SMAD3: variants seen among roughly 807,000 people sequenced by gnomAD.
The protein encoded by SMAD3 is MAD homolog 3.
A neutral mutation model predicts 51.8 loss-of-function variants in SMAD3; 12 were observed. The ratio of observed to expected loss-of-function variants is 0.23; its 90% CI spans 0.15 to 0.38. SMAD3 has a LOEUF of 0.38. Ranked by LOEUF, SMAD3 falls within the 10% of genes least tolerant of loss-of-function variation. SMAD3 has a pLI of 1.00. For synonymous variants in SMAD3, 238 were observed against 227.7 expected, an observed-to-expected ratio of 1.05 and a Z score of -0.41; for missense variants, 294 against 565.6, an observed-to-expected ratio of 0.52 and a Z score of 4.87.
At chr15:67,066,655 C>T (rs2140189657) in intron 1 of SMAD3, among the ~76,000 whole-genome samples, 1 of 152,338 alleles carries the variant, frequency 6.6e-6, no homozygotes, top group Non-Finnish European at 1.5e-5. Flanking sequence ...TGCTGCGGGA[C>T]TCGGCCGCCC....
At chr15:67,154,773 T>C (rs1302802589) in intron 1 of SMAD3, among the ~76,000 whole-genome samples, 1 of 152,226 alleles carries the variant, frequency 6.6e-6, no homozygotes, top group East Asian at 1.9e-4. Flanking sequence ...AATCAAATTA[T>C]ATGTCTTTCA....
chr15:67,076,480 C>T (rs567090284), intron 1 of SMAD3, among the ~76,000 whole-genome samples: 4 of 152,220 alleles, frequency 2.6e-5, no homozygotes, highest in East Asian at 1.9e-4. Context: ...AATGCACTTC[C>T]GGCTCCCCCT....
chr15:67,128,370 C>A (rs1017659018), intron 1 of SMAD3, among the ~76,000 whole-genome samples: 4 of 152,114 alleles, frequency 2.6e-5, no homozygotes, highest in African/African-American at 9.7e-5. Flanking sequence ...TTACTCCTGA[C>A]CACTTAGTAA....
At position 67,192,965 on chromosome 15, in the gene SMAD3, G is replaced by A; in HGVS notation, c.*2429G>A. 1 of 233,214 alleles carries A rather than the reference G, an allele frequency of 4.3e-6. No individual in the cohort carries two copies. The highest frequency in any genetic ancestry group is 8.5e-6 in the Non-Finnish European group (1 of 117,952). 14.4% of individuals were successfully genotyped at this position (233,214 alleles called of 1,614,324 possible). A position where few individuals can be genotyped will look rare whatever the true frequency, so the allele number is the denominator to read the frequency against. On this transcript the variant is annotated 3_prime_UTR_variant, in exon 9 of 9. Transcript: ENST00000327367. ...TTTATTGACTAGACCACCAGAGGAG[G>A]ATGTGTGGGATTGTAGGCAAACCCA...
chr15:67,098,755 A>G lies in SMAD3; in HGVS notation c.206+32395A>G, dbSNP rs911657520. 4.7e-6 allele frequency: 3 copies of G among 638,290 alleles called. No homozygotes were observed. In the Admixed American group the frequency reaches 6.9e-5, roughly 15 times the overall value. 39.5% of individuals were successfully genotyped at this position (638,290 alleles called of 1,614,324 possible). On this transcript the variant is annotated intron_variant, in intron 1 of 8. Transcript: ENST00000327367. ...GCTTGCTTTGGTTGTGGAGGCCTCC[A>G]CAGCCCCCGGAAGGCAGGTGGAAGT... is the stretch of plus-strand genomic sequence containing the variant.
intron 1 of SMAD3, among the ~76,000 whole-genome samples, chr15:67,149,117 G>A (rs1962057034): frequency 6.6e-6 from 1 of 152,172 alleles, no homozygotes; most frequent in Admixed American, 6.5e-5. Flanking sequence ...CACAGAGTGG[G>A]TTACTGTTTG....
intron 5 of SMAD3, among the ~76,000 whole-genome samples, chr15:67,172,748 C>T (rs1164659840): frequency 6.6e-6 from 1 of 152,180 alleles, no homozygotes; most frequent in Non-Finnish European, 1.5e-5. Context: ...TGAACTCAGG[C>T]CCTCTCACTC....
chr15:67,160,970 A>AT (rs1326142225), intron 1 of SMAD3, among the ~76,000 whole-genome samples: 275 of 148,868 alleles, frequency 1.8e-3, no homozygotes, highest in African/African-American at 5.0e-3. Flanking sequence ...ATGCGGTCTG[A>AT]TTTTTTTTTT....
chr15:67,149,536 G>C (rs1446420643), intron 1 of SMAD3, among the ~76,000 whole-genome samples: 2 of 152,204 alleles, frequency 1.3e-5, no homozygotes, highest in Non-Finnish European at 2.9e-5. Flanking sequence ...CCCTGACATT[G>C]TTAAGTGTGG....
chr15:67,148,045 C>T (rs1384653145), intron 1 of SMAD3, among the ~76,000 whole-genome samples: 1 of 152,154 alleles, frequency 6.6e-6, no homozygotes, highest in Non-Finnish European at 1.5e-5. Flanking sequence ...CTTATTTGCT[C>T]TGCTGCTATA....
chr15:67,161,403 C>T (rs1336179742), intron 1 of SMAD3, among the ~76,000 whole-genome samples: 2 of 152,152 alleles, frequency 1.3e-5, no homozygotes. Context: ...AGAGGGCCAC[C>T]CACTTCTATC....
chr15:67,142,951 T>C (rs537592288), intron 1 of SMAD3: 1 of 379,938 alleles, frequency 2.6e-6, no homozygotes, highest in East Asian at 9.6e-5. Context: ...TCATTTTCTC[T>C]GGCATGTCCT....
At chr15:67,132,426 G>T (rs1163514636) in intron 1 of SMAD3, among the ~76,000 whole-genome samples, 5 of 152,162 alleles carry the variant, frequency 3.3e-5, no homozygotes, top group African/African-American at 1.2e-4. Context: ...ATGGAAGCTA[G>T]ACCAGAATGT....
intron 1 of SMAD3, among the ~76,000 whole-genome samples, chr15:67,086,286 TGA>T (rs1181053538): frequency 6.6e-6 from 1 of 152,168 alleles, no homozygotes; most frequent in Non-Finnish European, 1.5e-5. Flanking sequence ...GCTGCTTTGG[TGA>T]GAGAGTGTCC....
intron 1 of SMAD3, among the ~76,000 whole-genome samples, chr15:67,102,160 C>G (rs8040513): frequency 0.96 from 146,696 of 152,124 alleles, 70,961 homozygotes; most frequent in East Asian, 1. Context: ...CGAGCTTGTT[C>G]AGAATGAGGA....
chr15:67,153,752 T>G (rs955986236), intron 1 of SMAD3, among the ~76,000 whole-genome samples: 6 of 152,148 alleles, frequency 3.9e-5, no homozygotes, highest in Admixed American at 3.9e-4. Context: ...CAACAAAGAT[T>G]AGCCCAAAAC....
At chr15:67,105,965 T>G (rs533322865) in intron 1 of SMAD3, among the ~76,000 whole-genome samples, 12 of 152,270 alleles carry the variant, frequency 7.9e-5, no homozygotes, top group African/African-American at 2.9e-4. Context: ...AGCACCACCA[T>G]CCAGACCTCA....
At chr15:67,154,600 A>G (rs1266256369) in intron 1 of SMAD3, among the ~76,000 whole-genome samples, 1 of 152,204 alleles carries the variant, frequency 6.6e-6, no homozygotes, top group Non-Finnish European at 1.5e-5. Flanking sequence ...CTAATGTTGG[A>G]AATGGAGTTT....
intron 1 of SMAD3, among the ~76,000 whole-genome samples, chr15:67,149,332 G>C (rs1466893442): frequency 6.6e-6 from 1 of 152,202 alleles, no homozygotes; most frequent in East Asian, 1.9e-4. Flanking sequence ...TGGTGGGTGG[G>C]CAGGTGCTCT....
Sources: gnomAD v4.1 joint callset for allele counts (sites outside exome capture counted in the v4.1 genomes callset) on GRCh38, gnomAD v4.1.1 for gene constraint, MANE v1.5 for transcripts, NCBI Gene and HGNC (gene_info 2026-07-23, HGNC 2026-07-21) for gene names.